Variants in TSC22D4 observed in about 807,000 individuals in gnomAD.
TSC22D4 encodes the protein TSC22 domain family protein 4.
A neutral mutation model predicts 24.9 loss-of-function variants in TSC22D4; 5 were observed. The ratio of observed to expected loss-of-function variants is 0.20; its 90% CI spans 0.10 to 0.42. The LOEUF (loss-of-function observed/expected upper bound fraction) is 0.42, where lower values mean the gene tolerates loss of function less well. TSC22D4 is among the 10% of genes least tolerant of loss of function. The pLI is 1.00. For synonymous variants in TSC22D4, 245 were observed against 243.2 expected (o/e 1.01, Z -0.07); for missense variants, 469 against 547.9 (o/e 0.86, Z 1.44).
At chr7:100,472,518 A>G (rs1460063723) in intron 3 of TSC22D4, among the ~76,000 whole-genome samples, 4 of 146,576 alleles carry the variant, frequency 2.7e-5, no homozygotes, top group Admixed American at 1.3e-4. Flanking sequence ...TGTGAACTCA[A>G]CAGGGGTGGG....
rs1584354248 is a variant in TSC22D4, at chr7:100,478,238, C to T, written c.-200G>A. On this transcript the variant is annotated 5_prime_UTR_variant, in exon 2 of 5. Transcript: ENST00000300181. ...GGGGAGAAGAGGAGAGGGGAGGTGG[C>T]GGGAGGGGGGAGCAGGGGCAGGTTT... 2 of 36,622 alleles carry T rather than the reference C, an allele frequency of 5.5e-5. No homozygotes were observed. Among genetic ancestry groups the T allele is most frequent in the Non-Finnish European group, 9.9e-5 (2 of 20,190 alleles). 2.3% of individuals were successfully genotyped at this position (36,622 alleles called of 1,614,324 possible). A position where few individuals can be genotyped will look rare whatever the true frequency, so the allele number is the denominator to read the frequency against.
Position 100,477,249 on chromosome 7 carries a change from T to C in TSC22D4, c.762+28A>G, listed in dbSNP as rs368258498. ...AAGATAGAGGTTAGGCCAGGGCTGATGGGCCAGCCCTAGAACCCAGGTCTT... is the reference window on the plus strand; with the variant it reads ...AAGATAGAGGTTAGGCCAGGGCTGACGGGCCAGCCCTAGAACCCAGGTCTT... On this transcript the variant is annotated intron_variant, in intron 2 of 4. Coordinates refer to ENST00000300181, the MANE Select transcript of TSC22D4 (RefSeq NM_030935.5). This position sits in a 1 kb window ranked among gnomAD's most constrained non-coding sequence, Gnocchi z 7.8. The C allele has an allele frequency of 6.9e-7, 1 of 1,449,328 alleles. No individual in the cohort carries two copies. Among genetic ancestry groups the C allele is most frequent in the African/African-American group, 1.4e-5 (1 of 68,976 alleles). 89.8% of individuals were successfully genotyped at this position (1,449,328 alleles called of 1,614,324 possible).
rs1563182349 is a variant in TSC22D4, at chr7:100,474,698, G to A, written c.763-258C>T. ...TTAGAGAGAGTCTCCCAAGTGGGAGGAGGGGGTGACTGACGGAGGAACCCA... is the reference window on the plus strand; with the variant it reads ...TTAGAGAGAGTCTCCCAAGTGGGAGAAGGGGGTGACTGACGGAGGAACCCA... On this transcript the variant is annotated intron_variant, in intron 2 of 4. Transcript: ENST00000300181. This position sits in a 1 kb window ranked among gnomAD's most constrained non-coding sequence, Gnocchi z 4.3. Among the ~76,000 whole-genome samples the A allele has an allele frequency of 6.6e-6, 1 of 152,190 alleles. No individual in the cohort carries two copies. The highest frequency in any genetic ancestry group is 1.5e-5 in the Non-Finnish European group (1 of 68,034).
In TSC22D4 at chr7:100,477,594, TG is replaced by T; in HGVS notation, c.444del (p.Thr149ProfsTer68). 1.3e-6 allele frequency: 2 copies of T among 1,592,930 alleles called. No individual in the cohort carries two copies. ...GTGGGGGGTGGACGGAGCCAGGAGG[TG>T]GGGCCCTGAGACAGGCCTGACGGTG... ...PTPPSGLSQGPTSWLRPPPTS... is the reference protein window; with the variant it reads ...PTPPSGLSQGXTSWLRPPPTS... On this transcript the variant is annotated frameshift_variant, in exon 2 of 5. Transcript: ENST00000300181. LOFTEE classifies it high-confidence loss of function. This position sits in a 1 kb window ranked among gnomAD's most constrained non-coding sequence, Gnocchi z 7.8.
chr7:100,475,186 T>C (rs1799472918), intron 2 of TSC22D4, among the ~76,000 whole-genome samples: 1 of 152,192 alleles, frequency 6.6e-6, no homozygotes, highest in South Asian at 2.1e-4. Context: ...CAGGTTAAAC[T>C]GATTCTCCTG....
At position 100,466,766 on chromosome 7, in the gene TSC22D4, C is replaced by A. The variant is rs993882196; in HGVS notation, c.*193G>T. ...GAGGGGGCTCCCTCTGACGCCCCGT[C>A]CTGAAGCCCTCCCTCCTCCATCAAG... On this transcript the variant is annotated 3_prime_UTR_variant, in exon 5 of 5. Transcript: ENST00000300181. The A allele has an allele frequency of 7.7e-6, 5 of 648,960 alleles. No individual in the cohort carries two copies. The East Asian group carries it at 1.1e-4, about 15-fold the overall frequency. The allele number at this position is 648,960 out of a possible 1,614,324, so 40.2% of individuals were successfully genotyped here.
intron 3 of TSC22D4, 137 bp from the exon 4 acceptor site, chr7:100,467,737 C>T: frequency 1.0e-6 from 1 of 958,478 alleles, no homozygotes; most frequent in Non-Finnish European, 1.7e-6. Context: ...TTTGTCCATC[C>T]CCCTGCGGGT....
rs1278792019 is a variant in TSC22D4, at chr7:100,477,193, GA to G, written c.762+83del. 0.01 allele frequency: 11,432 copies of G among 1,089,444 alleles called. 351 individuals are homozygous for G. Among genetic ancestry groups the G allele is most frequent in the African/African-American group, 0.089 (5,019 of 56,702 alleles). 67.5% of individuals were successfully genotyped at this position (1,089,444 alleles called of 1,614,324 possible). On this transcript the variant is annotated intron_variant, in intron 2 of 4. Transcript: ENST00000300181. This position sits in a 1 kb window ranked among gnomAD's most constrained non-coding sequence, Gnocchi z 7.8. ...TTATAAAGTGATGGAGAAGGAGGAGGAGAGGGGGGGGAGGAGGAGGAAGGAG... is the reference window on the plus strand; with the variant it reads ...TTATAAAGTGATGGAGAAGGAGGAGGGAGGGGGGGGAGGAGGAGGAAGGAG...
rs1799283442 is a variant in TSC22D4, at chr7:100,466,709, C to T, written c.*250G>A. 1 of 533,750 alleles carries T rather than the reference C, an allele frequency of 1.9e-6. No individual in the cohort carries two copies. The highest frequency in any genetic ancestry group is 3.3e-6 in the Non-Finnish European group (1 of 302,618). 33.1% of individuals were successfully genotyped at this position (533,750 alleles called of 1,614,324 possible). A position where few individuals can be genotyped will look rare whatever the true frequency, so the allele number is the denominator to read the frequency against. On this transcript the variant is annotated 3_prime_UTR_variant, in exon 5 of 5. Coordinates refer to ENST00000300181, the MANE Select transcript of TSC22D4 (RefSeq NM_030935.5). ...CAAGCCGTCTACTGCTGGGGGGTCC[C>T]AGGAGGGAGGGTGGGGGTTGGTTCC...
At position 100,477,629 on chromosome 7, in the gene TSC22D4, G is replaced by A. The variant is rs1342398145; in HGVS notation, c.410C>T (p.Ala137Val). The A allele has an allele frequency of 6.3e-6, 10 of 1,596,688 alleles. No individual in the cohort carries two copies. Among genetic ancestry groups the A allele is most frequent in the African/African-American group, 4.0e-5 (3 of 74,804 alleles). ...AGACAGGCCTGACGGTGGGGTGGGG[G>A]CGCCCAGGCCGAGGCTGGCCAGCTC... ...RLELASLGLG[A>V]PTPPSGLSQG... Residue 137 changes from alanine (A) to valine (V), a missense_variant, in exon 2 of 5, where the codon GCC becomes GTC. Physicochemically the swap from Ala to Val is moderately conservative, Grantham distance 64. Coordinates refer to ENST00000300181, the MANE Select transcript of TSC22D4 (RefSeq NM_030935.5). The surrounding 1 kb of genome is among the most constrained non-coding windows in gnomAD (Gnocchi z 7.8).
intron 3 of TSC22D4, among the ~76,000 whole-genome samples, chr7:100,468,567 T>C (rs1799334205): frequency 6.6e-6 from 1 of 152,148 alleles, no homozygotes; most frequent in African/African-American, 2.4e-5. Flanking sequence ...AGAGGGTCCC[T>C]GAGTCTCCAG....
chr7:100,477,882 C>A lies in TSC22D4; in HGVS notation c.157G>T (p.Gly53Trp). 6.3e-7 allele frequency: 1 copy of A among 1,578,218 alleles called. No individual in the cohort carries two copies. The highest frequency in any genetic ancestry group is 8.6e-7 in the Non-Finnish European group (1 of 1,163,654). ...LPNGEPSPDP[G>W]GKGTPRNGSP... is the part of the protein sequence containing the mutation. ...CCATTCCGGGGGGTGCCCTTGCCCCCCGGATCGGGGCTGGGCTCCCCATTG... is the reference window on the plus strand; with the variant it reads ...CCATTCCGGGGGGTGCCCTTGCCCCACGGATCGGGGCTGGGCTCCCCATTG... Residue 53 changes from glycine (G) to tryptophan (W), a missense_variant, in exon 2 of 5, where the codon GGG (glycine) becomes TGG (tryptophan). Coordinates refer to ENST00000300181, the MANE Select transcript of TSC22D4 (RefSeq NM_030935.5). This position sits in a 1 kb window ranked among gnomAD's most constrained non-coding sequence, Gnocchi z 7.8.
chr7:100,477,438 C>A lies in TSC22D4; in HGVS notation c.601G>T (p.Gly201Cys), dbSNP rs373217268. The change falls in exon 2 of 5, where the codon GGT becomes TGT. Residue 201 changes from glycine to cysteine, a missense_variant. Transcript: ENST00000300181. The surrounding 1 kb of genome is among the most constrained non-coding windows in gnomAD (Gnocchi z 7.8). ...PQQRPPEPETGESAGTSRAAT... is the reference protein window; with the variant it reads ...PQQRPPEPETCESAGTSRAAT... Reference sequence around the variant, plus strand: ...GCCCGGGATGTGCCCGCACTCTCACCGGTCTCAGGCTCTGGGGGGCGCTGC... The same window carrying A: ...GCCCGGGATGTGCCCGCACTCTCACAGGTCTCAGGCTCTGGGGGGCGCTGC... 1.6e-5 allele frequency: 25 copies of A among 1,574,584 alleles called. No individual in the cohort carries two copies. In the African/African-American group the frequency reaches 3.1e-4, roughly 20 times the overall value.
At chr7:100,472,271 G>A (rs1336570050) in intron 3 of TSC22D4, among the ~76,000 whole-genome samples, 3 of 152,106 alleles carry the variant, frequency 2.0e-5, no homozygotes, top group Non-Finnish European at 4.4e-5. Context: ...GGGGCAGGGG[G>A]TGGCCCAACC....
Position 100,477,951 on chromosome 7 carries a change from G to A in TSC22D4, c.88C>T (p.Pro30Ser). 1 of 1,558,032 alleles carries A rather than the reference G, an allele frequency of 6.4e-7. No individual in the cohort carries two copies. ...CCGGTTGGGGGCTGTGGGGTAGGGG[G>A]ATCCGAAGCCCCTGGGCTCCCAGGG... The part of the protein sequence containing the change: ...EGPGSPGASD[P>S]PTPQPPTGPP... The change falls in exon 2 of 5, where the codon CCC (proline) becomes TCC (serine). Residue 30 changes from proline to serine, a missense_variant. Transcript: ENST00000300181. The surrounding 1 kb of genome is among the most constrained non-coding windows in gnomAD (Gnocchi z 7.8).
At position 100,474,223 on chromosome 7, in the gene TSC22D4, T is replaced by C. The variant is rs556313638; in HGVS notation, c.929+51A>G. On this transcript the variant is annotated intron_variant, in intron 3 of 4. Coordinates refer to ENST00000300181, the MANE Select transcript of TSC22D4 (RefSeq NM_030935.5). This position sits in a 1 kb window ranked among gnomAD's most constrained non-coding sequence, Gnocchi z 4.3. ...ACTTTCTTACAGCTACCCCGGGTGC[T>C]GGGCGGGGAACCTGAACCCCACGCC... 21 of 1,599,108 alleles carry C rather than the reference T, an allele frequency of 1.3e-5. No homozygotes were observed. The East Asian group carries it at 4.3e-4, about 32-fold the overall frequency.
chr7:100,468,133 C>T (rs1004197598), intron 3 of TSC22D4: 33 of 329,050 alleles, frequency 1.0e-4, no homozygotes, highest in Non-Finnish European at 1.9e-4. Context: ...GGCCTGGCTG[C>T]TATTGGCTCC....
chr7:100,467,809 A>T, intron 3 of TSC22D4: 1 of 697,436 alleles, frequency 1.4e-6, no homozygotes, highest in Non-Finnish European at 2.7e-6. Context: ...TGTCCCTCGG[A>T]TGGGGGATGC....
At chr7:100,471,332 T>G (rs530050223) in intron 3 of TSC22D4, among the ~76,000 whole-genome samples, 95 of 152,294 alleles carry the variant, frequency 6.2e-4, no homozygotes, top group African/African-American at 2.2e-3. Context: ...CCTCTTTGCC[T>G]GGGACACAGG....
Sources: gnomAD v4.1 joint callset for allele counts (sites outside exome capture counted in the v4.1 genomes callset) on GRCh38, gnomAD v4.1.1 for gene constraint, Gnocchi (gnomAD v3.1) non-coding constraint, MANE v1.5 for transcripts, NCBI Gene and HGNC (gene_info 2026-07-23, HGNC 2026-07-21) for gene names.